The following WDR54 variants were observed in gnomAD, a reference collection of about 807,000 sequenced individuals.
The protein encoded by WDR54 is WD repeat domain 54.
WDR54 carries 44 observed loss-of-function variants against 44.1 expected under a neutral mutation model. That is an observed-to-expected ratio of 1.00 (90% CI 0.78 to 1.28). WDR54 has a LOEUF of 1.28. WDR54 is among the 50% of genes most tolerant of loss of function. The pLI is 0.00. For synonymous variants in WDR54, 169 were observed against 169.8 expected (o/e 1.00, Z 0.04); for missense variants, 409 against 429.7 (o/e 0.95, Z 0.43).
At chr2:74,423,094 G>C (rs991961832) in intron 3 of WDR54, 162 bp downstream of exon 3, 2 of 877,678 alleles carry the variant, frequency 2.3e-6, no homozygotes, top group African/African-American at 3.4e-5. Flanking sequence ...ATCTTTTCCA[G>C]TTTCCAAGTG....
At chr2:74,424,202 G>A (rs1351341801) in intron 6 of WDR54, among the ~76,000 whole-genome samples, 1 of 152,206 alleles carries the variant, frequency 6.6e-6, no homozygotes. Flanking sequence ...GATGTGAAAT[G>A]AGGAGTTGGA....
rs202005276 is a variant in WDR54 at position 74,425,134 on chromosome 2, G to C, written c.695G>C (p.Gly232Ala). The C allele has an allele frequency of 2.9e-5, 46 of 1,568,548 alleles. No individual in the cohort carries two copies. The highest frequency in any genetic ancestry group is 8.7e-5 in the Admixed American group (5 of 57,676). Residue 232 changes from glycine to alanine, a missense_variant, in exon 8 of 10, where the codon GGA (glycine) becomes GCA (alanine). Physicochemically the swap from Gly to Ala is moderately conservative, Grantham distance 60 (BLOSUM62 0). Coordinates refer to ENST00000348227, the MANE Select transcript of WDR54 (RefSeq NM_032118.4). ...QGIIAAGYGN[G>A]QVHLYEATTG... ...ATCATAGCAGCAGGCTATGGGAACGGACAAGTGCATCTATATGAGGCCACT... is the reference window on the plus strand; with the variant it reads ...ATCATAGCAGCAGGCTATGGGAACGCACAAGTGCATCTATATGAGGCCACT...
Position 74,422,935 on chromosome 2 carries a change from A to G in WDR54, c.285+3A>G. ...TCACCTCACATCGAGGAATACAGGT[A>G]AGAAGAGGACTCTCCTGCTTGCCCC... On this transcript the variant is annotated splice_donor_region_variant and intron_variant, in intron 3 of 9. Transcript: ENST00000348227. 6.2e-7 allele frequency: 1 copy of G among 1,614,124 alleles called. No homozygotes were observed. The highest frequency in any genetic ancestry group is 8.5e-7 in the Non-Finnish European group (1 of 1,180,000).
Position 74,425,439 on chromosome 2 carries a change from C to A in WDR54, c.821C>A (p.Thr274Asn). 1.2e-6 allele frequency: 2 copies of A among 1,614,212 alleles called. No homozygotes were observed. Among genetic ancestry groups the A allele is most frequent in the African/African-American group, 1.3e-5 (1 of 75,046 alleles). Reference protein sequence around the residue: ...VGKLLSAGEDTFVHIWKLSRN... With the variant: ...VGKLLSAGEDNFVHIWKLSRN... Reference sequence around the variant, plus strand: ...CAGCTACTCTCTGCAGGTGAGGACACCTTTGTGCATATCTGGAAGCTGAGC... The same window carrying A: ...CAGCTACTCTCTGCAGGTGAGGACAACTTTGTGCATATCTGGAAGCTGAGC... Residue 274 changes from threonine (T) to asparagine (N), a missense_variant, in exon 9 of 10, where the codon ACC (threonine) becomes AAC (asparagine). Coordinates refer to ENST00000348227, the MANE Select transcript of WDR54 (RefSeq NM_032118.4).
intron 5 of WDR54, 122 bp from the exon 6 acceptor site, chr2:74,423,733 G>A (rs1259118144): frequency 7.4e-6 from 11 of 1,492,444 alleles, no homozygotes; most frequent in East Asian, 2.3e-5. Flanking sequence ...GGGCATGGCC[G>A]TTGGAGCAGT....
Position 74,424,961 on chromosome 2 carries a change from C to T in WDR54, c.621C>T (p.Arg207=), listed in dbSNP as rs772807926. The change falls in exon 7 of 10, where the codon CGC becomes CGT. Residue 207 remains arginine (R), a synonymous_variant. Coordinates refer to ENST00000348227, the MANE Select transcript of WDR54 (RefSeq NM_032118.4). ...GGCCAGAATTCACATTATTGACCCGCATTCCAGGATTTGGGTAGGTGAGGC... is the reference window on the plus strand; with the variant it reads ...GGCCAGAATTCACATTATTGACCCGTATTCCAGGATTTGGGTAGGTGAGGC... The part of the protein sequence containing the change: ...RSGPEFTLLT[R]IPGFGVPCPS... 1.2e-6 allele frequency: 2 copies of T among 1,614,218 alleles called. No individual in the cohort carries two copies. Among genetic ancestry groups the T allele is most frequent in the Admixed American group, 1.7e-5 (1 of 60,032 alleles).
chr2:74,423,753 T>G lies in WDR54; in HGVS notation c.407-102T>G, dbSNP rs867571559. 1.4e-4 allele frequency: 222 copies of G among 1,541,298 alleles called. 1 individual carries two copies. In the Middle Eastern group the frequency reaches 3.3e-3, roughly 23 times the overall value. Reference sequence around the variant, plus strand: ...TGGCCGTTGGAGCAGTGAGAGGGGGTTTTGTTACTAAGGTTTCTGGGATGG... The same window carrying G: ...TGGCCGTTGGAGCAGTGAGAGGGGGGTTTGTTACTAAGGTTTCTGGGATGG... On this transcript the variant is annotated intron_variant, in intron 5 of 9. Coordinates refer to ENST00000348227, the MANE Select transcript of WDR54 (RefSeq NM_032118.4).
At chr2:74,423,227 G>A (rs2103854503) in intron 3 of WDR54, 92 bp from the exon 4 acceptor site, 2 of 1,441,050 alleles carry the variant, frequency 1.4e-6, no homozygotes, top group African/African-American at 1.4e-5. Context: ...TTTGTTTTGA[G>A]GATTAAATGG....
intron 8 of WDR54, 35 bp from the exon 9 acceptor site, chr2:74,425,382 A>G: frequency 6.2e-7 from 1 of 1,613,130 alleles, no homozygotes; most frequent in Non-Finnish European, 8.5e-7. Context: ...CTGTCCCGTC[A>G]GGGCATTCTG....
rs374998217 is a variant in WDR54 at position 74,422,272 on chromosome 2, C to A, written c.119C>A (p.Pro40Gln). Residue 40 changes from proline (P) to glutamine (Q), a missense_variant, in exon 2 of 10, where the codon CCA (proline) becomes CAA (glutamine). By Grantham distance (76) the Pro-to-Gln change is moderately conservative. Coordinates refer to ENST00000348227, the MANE Select transcript of WDR54 (RefSeq NM_032118.4). ...NLTYFGVVHG[P>Q]SAQLLSAAPE... ...ACGTATTTTGGCGTGGTTCATGGAC[C>A]AAGCGCCCAGCTTCTCAGCGCTGCT... The A allele has an allele frequency of 8.1e-6, 13 of 1,614,124 alleles. No homozygotes were observed. The African/African-American group carries it at 1.7e-4, about 22-fold the overall frequency.
Position 74,423,835 on chromosome 2 carries a change from A to G in WDR54, c.407-20A>G. On this transcript the variant is annotated intron_variant, in intron 5 of 9. Coordinates refer to ENST00000348227, the MANE Select transcript of WDR54 (RefSeq NM_032118.4). The stretch of plus-strand genomic sequence containing the variant: ...AGGAGGGTCAGGAAGTCATCACTGG[A>G]GTACTGGTTCTGGATACAGGAACGT... 1 of 1,612,996 alleles carries G rather than the reference A, an allele frequency of 6.2e-7. No homozygotes were observed. Among genetic ancestry groups the G allele is most frequent in the Non-Finnish European group, 8.5e-7 (1 of 1,179,278 alleles).
chr2:74,423,054 CTT>C (rs747876103), intron 3 of WDR54, 122 bp downstream of exon 3: 86 of 1,060,908 alleles, frequency 8.1e-5, no homozygotes, highest in South Asian at 6.1e-4. Context: ...CCCACTCACT[CTT>C]TTTCTATTTC....
chr2:74,424,988 G>C lies in WDR54; in HGVS notation c.635+13G>C, dbSNP rs1476622712. ...TTCCAGGATTTGGGTAGGTGAGGCA[G>C]AAAGGGTAGAGGGCTTCCTGAGATA... On this transcript the variant is annotated intron_variant, in intron 7 of 9. Transcript: ENST00000348227. The C allele has an allele frequency of 6.2e-7, 1 of 1,614,112 alleles. No homozygotes were observed. Among genetic ancestry groups the C allele is most frequent in the Non-Finnish European group, 8.5e-7 (1 of 1,180,042 alleles).
At chr2:74,423,644 G>C in intron 5 of WDR54, 113 bp downstream of exon 5, 5 of 1,491,668 alleles carry the variant, frequency 3.4e-6, no homozygotes, top group Non-Finnish European at 4.6e-6. Context: ...GGTGGAAGTG[G>C]AGTGGAATCA....
intron 8 of WDR54, 82 bp from the exon 9 acceptor site, chr2:74,425,335 C>G: frequency 6.3e-7 from 1 of 1,588,696 alleles, no homozygotes; most frequent in Non-Finnish European, 8.6e-7. Context: ...GTAGCCCCCT[C>G]CCCTGGGGCA....
intron 5 of WDR54, 140 bp from the exon 6 acceptor site, chr2:74,423,714 TG>T (rs1670225225): frequency 1.4e-6 from 2 of 1,448,096 alleles, no homozygotes; most frequent in South Asian, 2.6e-5. Context: ...ACAAGGCTAG[TG>T]AATGAAGGGG....
chr2:74,423,445 A>G (rs555590375), intron 4 of WDR54, 33 bp from the exon 5 acceptor site: 1 of 1,613,936 alleles, frequency 6.2e-7, no homozygotes, highest in Non-Finnish European at 8.5e-7. Flanking sequence ...GCAGGAGGGG[A>G]TATTTCTGAT....
chr2:74,423,977 G>T lies in WDR54; in HGVS notation c.529G>T (p.Gly177Ter). 1 of 1,614,088 alleles carries T rather than the reference G, an allele frequency of 6.2e-7. No individual in the cohort carries two copies. The highest frequency in any genetic ancestry group is 8.5e-7 in the Non-Finnish European group (1 of 1,180,008). ...ITDIATEPAQGQDCVADMVTA... is the reference protein window; with the variant it reads ...ITDIATEPAQ Reference sequence around the variant, plus strand: ...AGACATTGCCACCGAGCCTGCCCAGGGACAGGTGAGTGGACTTCCCCTACC... The same window carrying T: ...AGACATTGCCACCGAGCCTGCCCAGTGACAGGTGAGTGGACTTCCCCTACC... The change falls in exon 6 of 10, where the codon GGA (glycine) becomes TGA (stop). Residue 177 changes from glycine to a stop codon, truncating the protein, a stop_gained. Coordinates refer to ENST00000348227, the MANE Select transcript of WDR54 (RefSeq NM_032118.4). LOFTEE classifies it high-confidence loss of function.
chr2:74,423,448 T>G (rs1394936538), intron 4 of WDR54, 30 bp from the exon 5 acceptor site: 1 of 1,613,936 alleles, frequency 6.2e-7, no homozygotes, highest in Non-Finnish European at 8.5e-7. Flanking sequence ...GGAGGGGATA[T>G]TTCTGATCAT....
Sources: gnomAD v4.1 joint callset for allele counts (sites outside exome capture counted in the v4.1 genomes callset) on GRCh38, gnomAD v4.1.1 for gene constraint, MANE v1.5 for transcripts, NCBI Gene and HGNC (gene_info 2026-07-23, HGNC 2026-07-21) for gene names.